Variants in NEK10 observed in about 807,000 individuals in gnomAD.
NEK10 encodes the protein NIMA related kinase 10.
In NEK10, 122 loss-of-function variants were observed where a neutral mutation model predicts 159.8. That is an observed-to-expected ratio of 0.76 (90% CI 0.66 to 0.89). NEK10 has a LOEUF of 0.89. Ranked by LOEUF, NEK10 falls within the 40% of genes least tolerant of loss-of-function variation. The pLI, the probability that NEK10 is intolerant of heterozygous loss-of-function variation, is 0.00. For synonymous variants in NEK10, 466 were observed against 457.1 expected, an observed-to-expected ratio of 1.02 and a Z score of -0.25; for missense variants, 1,342 against 1,323.1, an observed-to-expected ratio of 1.01 and a Z score of -0.22.
chr3:27,218,178 G>A (rs1332098622), intron 23 of NEK10, among the ~76,000 whole-genome samples: 1 of 152,186 alleles, frequency 6.6e-6, no homozygotes, highest in Non-Finnish European at 1.5e-5. Context: ...GAGCAGGACA[G>A]TGCAAGATTT....
At chr3:27,356,893 A>G (rs1488543673) in intron 1 of NEK10, among the ~76,000 whole-genome samples, 1 of 152,218 alleles carries the variant, frequency 6.6e-6, no homozygotes, top group East Asian at 1.9e-4. Flanking sequence ...TGTTTCATCC[A>G]CAAATATGTC....
chr3:27,177,066 A>G (rs1947570615), intron 26 of NEK10, among the ~76,000 whole-genome samples: 1 of 152,192 alleles, frequency 6.6e-6, no homozygotes, highest in South Asian at 2.1e-4. Context: ...ACTTGCAATC[A>G]AAACCCAAGA....
chr3:27,252,866 G>T (rs748700976), intron 23 of NEK10: 1 of 510,670 alleles, frequency 2.0e-6, no homozygotes, highest in Admixed American at 2.0e-5. Flanking sequence ...GAGAATGCAA[G>T]GTTGTCTGCT....
intron 31 of NEK10, among the ~76,000 whole-genome samples, chr3:27,134,556 T>C (rs1056253729): frequency 3.9e-5 from 6 of 152,230 alleles, no homozygotes; most frequent in Non-Finnish European, 7.3e-5. Flanking sequence ...AGATTATTAA[T>C]TCAGGTACTC....
chr3:27,341,770 G>A (rs2047218356), intron 5 of NEK10, among the ~76,000 whole-genome samples: 1 of 152,196 alleles, frequency 6.6e-6, no homozygotes, highest in Non-Finnish European at 1.5e-5. Flanking sequence ...AAAAGCTGGA[G>A]TTGGGGTAAG....
chr3:27,172,357 A>C (rs1450443734), intron 28 of NEK10, among the ~76,000 whole-genome samples: 2 of 145,148 alleles, frequency 1.4e-5, no homozygotes, highest in East Asian at 2.0e-4. Context: ...AAAAAAAAAA[A>C]AACTTAAAAT....
At chr3:27,126,957 A>G (rs1942033383) in intron 32 of NEK10, among the ~76,000 whole-genome samples, 3 of 152,154 alleles carry the variant, frequency 2.0e-5, no homozygotes, top group African/African-American at 7.2e-5. Flanking sequence ...AGCTGTTTTC[A>G]AAATGCTAAT....
chr3:27,159,833 C>T (rs568272261), intron 30 of NEK10, among the ~76,000 whole-genome samples: 41 of 151,650 alleles, frequency 2.7e-4, no homozygotes, highest in Non-Finnish European at 5.4e-4. Context: ...ACCATACAGG[C>T]AAGATCATAT....
intron 26 of NEK10, among the ~76,000 whole-genome samples, chr3:27,189,527 G>C (rs1948930620): frequency 6.6e-6 from 1 of 151,990 alleles, no homozygotes; most frequent in Non-Finnish European, 1.5e-5. Context: ...TGCTCTGGGA[G>C]AACTTTCCAG....
chr3:27,127,320 C>G (rs1207439632), intron 32 of NEK10, among the ~76,000 whole-genome samples: 1 of 152,062 alleles, frequency 6.6e-6, no homozygotes, highest in Non-Finnish European at 1.5e-5. Context: ...GTTATTGATT[C>G]CTGAATACTG....
intron 5 of NEK10, among the ~76,000 whole-genome samples, chr3:27,323,905 G>T (rs974314956): frequency 6.6e-6 from 1 of 152,208 alleles, no homozygotes; most frequent in Non-Finnish European, 1.5e-5. Context: ...GCACCCAGCA[G>T]CTAGCAGCTA....
rs138866820 is a variant in NEK10, at chr3:27,301,066, C to T, written c.1168+630G>A. Among the ~76,000 whole-genome samples the T allele has an allele frequency of 5.5e-4, 84 of 152,246 alleles. 1 individual carries two copies. The South Asian group carries it at 0.013, about 24-fold the overall frequency. On this transcript the variant is annotated intron_variant, in intron 13 of 35. Transcript: ENST00000691995. ...ACCTCTCTGCTCCCTTTCTGTGGGCCGCTCTAGGGCACCCAAATTGGCCAA... is the reference window on the plus strand; with the variant it reads ...ACCTCTCTGCTCCCTTTCTGTGGGCTGCTCTAGGGCACCCAAATTGGCCAA...
chr3:27,261,472 C>T (rs887027175), intron 22 of NEK10, among the ~76,000 whole-genome samples: 14 of 152,134 alleles, frequency 9.2e-5, no homozygotes, highest in African/African-American at 2.4e-4. Context: ...GCCTTCATTT[C>T]GTTATGTACC....
intron 23 of NEK10, among the ~76,000 whole-genome samples, chr3:27,227,261 G>A (rs915102475): frequency 1.3e-5 from 2 of 152,166 alleles, no homozygotes; most frequent in African/African-American, 2.4e-5. Flanking sequence ...ACAGGAGGAG[G>A]GGTGGCCTTC....
intron 31 of NEK10, among the ~76,000 whole-genome samples, chr3:27,136,788 T>A (rs1340362564): frequency 2.6e-5 from 4 of 152,176 alleles, no homozygotes; most frequent in Non-Finnish European, 5.9e-5. Flanking sequence ...TCTGTCTCCA[T>A]GGAAACGAGA....
chr3:27,177,798 G>A (rs773606281), intron 26 of NEK10, among the ~76,000 whole-genome samples: 1 of 152,028 alleles, frequency 6.6e-6, no homozygotes, highest in African/African-American at 2.4e-5. Flanking sequence ...CATAGCAAAG[G>A]CTCAATAAAT....
At chr3:27,335,490 G>C (rs990586447) in intron 5 of NEK10, among the ~76,000 whole-genome samples, 3 of 152,084 alleles carry the variant, frequency 2.0e-5, no homozygotes, top group Non-Finnish European at 2.9e-5. Context: ...ATTTAAACTG[G>C]ACATTAGACC....
At chr3:27,340,078 T>C (rs184957079) in intron 5 of NEK10, among the ~76,000 whole-genome samples, 1 of 152,298 alleles carries the variant, frequency 6.6e-6, no homozygotes, top group East Asian at 1.9e-4. Flanking sequence ...TGCAGCACCA[T>C]TTTCAATAGC....
intron 29 of NEK10, among the ~76,000 whole-genome samples, chr3:27,166,737 AT>A (rs1414799834): frequency 6.6e-6 from 1 of 152,106 alleles, no homozygotes; most frequent in Non-Finnish European, 1.5e-5. Flanking sequence ...AGGGGGGTGG[AT>A]CACCTGAAGT....
Sources: allele counts gnomAD v4.1 joint callset (sites outside exome capture counted in the v4.1 genomes callset), GRCh38; gene constraint gnomAD v4.1.1; transcripts MANE v1.5; gene names NCBI Gene and HGNC (gene_info 2026-07-23, HGNC 2026-07-21).